The following GART variants were observed in gnomAD, a reference collection of about 807,000 sequenced individuals.
GART encodes trifunctional purine biosynthetic protein adenosine-3.
Under a neutral mutation model 107.2 loss-of-function variants are expected in GART, and 43 were observed. That is an observed-to-expected ratio of 0.40 (90% CI 0.31 to 0.52). The LOEUF is 0.52. Ranked by LOEUF, GART falls within the 20% of genes least tolerant of loss-of-function variation. GART has a pLI of 0.52. For missense variants in GART, 1,107 were observed against 1,206.5 expected, an observed-to-expected ratio of 0.92 and a Z score of 1.22; for synonymous variants, 434 against 427.0, an observed-to-expected ratio of 1.02 and a Z score of -0.20.
intron 11 of GART, among the ~76,000 whole-genome samples, chr21:33,523,256 A>G (rs1182109566): frequency 2.0e-5 from 3 of 152,222 alleles, no homozygotes; most frequent in Non-Finnish European, 4.4e-5. Context: ...AAAACAAAAA[A>G]GCTGCCAGAA....
chr21:33,514,830 G>A (rs1294578964), intron 16 of GART, among the ~76,000 whole-genome samples: 1 of 152,222 alleles, frequency 6.6e-6, no homozygotes, highest in Middle Eastern at 3.4e-3. Context: ...TTGCTTCCCT[G>A]ACTAGGCTGA....
At chr21:33,510,486 C>T (rs1252812076) in intron 17 of GART, among the ~76,000 whole-genome samples, 3 of 152,244 alleles carry the variant, frequency 2.0e-5, no homozygotes, top group East Asian at 3.9e-4. Context: ...CCCGCCACCA[C>T]GCCCGGCTAA....
Position 33,510,304 on chromosome 21 carries a change from T to C in GART, c.2315-384A>G, listed in dbSNP as rs115961001. 7.2e-3 allele frequency: 1,152 copies of C among 160,004 alleles called. 15 individuals are homozygous for C. Among genetic ancestry groups the C allele is most frequent in the African/African-American group, 0.026 (1,087 of 41,788 alleles). The allele number at this position is 160,004 out of a possible 1,614,324, so 9.9% of individuals were successfully genotyped here. A position where few individuals can be genotyped will look rare whatever the true frequency, so the allele number is the denominator to read the frequency against. On this transcript the variant is annotated intron_variant, in intron 17 of 21. Transcript: ENST00000381815. ...CTAGCAAAGCCATTTAAAGGCTTGA[T>C]ATGCGATGTTAAGAAAAAGAGGGTC...
In GART at chr21:33,536,034, A is replaced by G. The variant is rs561701628; in HGVS notation, c.146-714T>C. ...ATAACAAGAACGAAACTCTGTCTCA[A>G]AAAAAAAAAAATTTATCAACACAAG... On this transcript the variant is annotated intron_variant, in intron 2 of 21. Transcript: ENST00000381815. Among the ~76,000 whole-genome samples the G allele has an allele frequency of 7.3e-5, 11 of 149,848 alleles. No individual in the cohort carries two copies. The East Asian group carries it at 2.1e-3, about 29-fold the overall frequency.
In GART at chr21:33,539,135, TAA is replaced by T. The variant is rs773704323; in HGVS notation, c.145+34_145+35del. The T allele has an allele frequency of 6.9e-6, 11 of 1,584,170 alleles. No homozygotes were observed. The Admixed American group carries it at 1.8e-4, about 26-fold the overall frequency. ...TTGACAGCATACCATTAATAACAAA[TAA>T]TAACTATTACTCCCCACTTTAAAAC... On this transcript the variant is annotated intron_variant, in intron 2 of 21. Coordinates refer to ENST00000381815, the MANE Select transcript of GART (RefSeq NM_000819.5).
chr21:33,518,373 G>T (rs372111407), intron 14 of GART, among the ~76,000 whole-genome samples: 13 of 152,128 alleles, frequency 8.5e-5, no homozygotes, highest in African/African-American at 2.9e-4. Context: ...AGCTACTTGG[G>T]AGGATGAGGC....
At chr21:33,528,087 G>A in intron 10 of GART, 80 bp downstream of exon 10, 1 of 1,334,676 alleles carries the variant, frequency 7.5e-7, no homozygotes, top group Non-Finnish European at 1.1e-6. Context: ...TCGAGAGCAA[G>A]CCTTAGTGTG....
At chr21:33,542,152 C>T (rs574545617), upstream of GART, 2 of 152,348 alleles carry the variant, frequency 1.3e-5, no homozygotes, top group African/African-American at 4.8e-5. Flanking sequence ...CGGCACCGCC[C>T]CTCACTGCCC....
chr21:33,505,528 T>A, intron 20 of GART, 33 bp downstream of exon 20: 2 of 1,563,454 alleles, frequency 1.3e-6, no homozygotes, highest in Non-Finnish European at 1.7e-6. Flanking sequence ...TTCAATTGAT[T>A]TCCCAATGTG....
intron 2 of GART, among the ~76,000 whole-genome samples, chr21:33,537,305 T>C (rs1289956375): frequency 6.6e-6 from 1 of 152,232 alleles, no homozygotes; most frequent in Non-Finnish European, 1.5e-5. Context: ...TAATTTGTAT[T>C]ATTCCTTTTG....
intron 1 of GART, among the ~76,000 whole-genome samples, chr21:33,541,177 C>G (rs2085410632): frequency 6.6e-6 from 1 of 152,190 alleles, no homozygotes; most frequent in Non-Finnish European, 1.5e-5. Flanking sequence ...GACAGTCTCT[C>G]TCTGTCGCCC....
rs764380446 is a variant in GART, at chr21:33,508,515, CT to C, written c.2452+1267del. Among the ~76,000 whole-genome samples, 871 of 109,814 alleles carry C rather than the reference CT, an allele frequency of 7.9e-3. 7 individuals are homozygous for C. Among genetic ancestry groups the C allele is most frequent in the South Asian group, 0.07 (225 of 3,196 alleles). The allele number at this position is 109,814 out of a possible 152,430, so 72.0% of individuals were successfully genotyped here. A position where few individuals can be genotyped will look rare whatever the true frequency, so the allele number is the denominator to read the frequency against. ...CCTGTTTTGTATCTATTGTTTCCAT[CT>C]TTTTTTTTTTTTTTTTTTTTGAGAT... On this transcript the variant is annotated intron_variant, in intron 18 of 21. Transcript: ENST00000381815.
At chr21:33,519,020 AAGG>A (rs2084923989) in intron 14 of GART, 2 of 266,754 alleles carry the variant, frequency 7.5e-6, no homozygotes, top group South Asian at 3.9e-5. Flanking sequence ...TTAACTTCTT[AAGG>A]AGAACTGAAG....
chr21:33,505,729 C>G (rs1201964459), intron 19 of GART, 27 bp from the exon 20 acceptor site: 4 of 1,556,660 alleles, frequency 2.6e-6, no homozygotes, highest in Admixed American at 2.1e-5. Flanking sequence ...TAAGCACAAC[C>G]CTTTTCAATG....
Position 33,506,066 on chromosome 21 carries a change from G to C in GART, c.2491C>G (p.Pro831Ala), listed in dbSNP as rs560269221. 6.2e-7 allele frequency: 1 copy of C among 1,614,050 alleles called. No homozygotes were observed. The highest frequency in any genetic ancestry group is 1.7e-5 in the Admixed American group (1 of 60,010). ...LQALIDSTRE[P>A]NSSAQIDIVI... Reference sequence around the variant, plus strand: ...ATATCAATTTGTGCAGAGCTATTTGGTTCCCGAGTACTGTCTATAAGTGCT... The same window carrying C: ...ATATCAATTTGTGCAGAGCTATTTGCTTCCCGAGTACTGTCTATAAGTGCT... Residue 831 changes from proline (P) to alanine (A), a missense_variant, in exon 19 of 22, where the codon CCA becomes GCA. Coordinates refer to ENST00000381815, the MANE Select transcript of GART (RefSeq NM_000819.5).
rs764892501 is a variant in GART at position 33,534,574 on chromosome 21, C to T, written c.416+5G>A. Reference sequence around the variant, plus strand: ...ACTGTCCTTCACAGACAACCATTTACCTACCTCAAAATGAAGCTGCAGGCT... The same window carrying T: ...ACTGTCCTTCACAGACAACCATTTATCTACCTCAAAATGAAGCTGCAGGCT... On this transcript the variant is annotated splice_donor_5th_base_variant and intron_variant, in intron 4 of 21. Coordinates refer to ENST00000381815, the MANE Select transcript of GART (RefSeq NM_000819.5). The T allele has an allele frequency of 8.1e-6, 13 of 1,614,014 alleles. No individual in the cohort carries two copies. The highest frequency in any genetic ancestry group is 1.0e-5 in the Non-Finnish European group (12 of 1,179,974).
intron 16 of GART, among the ~76,000 whole-genome samples, chr21:33,515,792 T>C (rs2084866783): frequency 6.6e-6 from 1 of 151,898 alleles, no homozygotes; most frequent in Non-Finnish European, 1.5e-5. Context: ...AACAGAAATC[T>C]CTACCCACTG....
At chr21:33,534,437 T>TA (rs1244585352) in intron 4 of GART, 142 bp downstream of exon 4, 1 of 777,170 alleles carries the variant, frequency 1.3e-6, no homozygotes, top group Non-Finnish European at 2.1e-6. Flanking sequence ...GGCTGGTCTC[T>TA]AACTCCTGAG....
chr21:33,504,526 T>C lies in GART; in HGVS notation c.2727A>G (p.Gly909=), dbSNP rs202221492. The change falls in exon 21 of 22, where the codon GGA becomes GGG. Residue 909 remains glycine (G), a splice_region_variant and synonymous_variant. Coordinates refer to ENST00000381815, the MANE Select transcript of GART (RefSeq NM_000819.5). ...LSGPFVQKWN[G]KMLNIHPSLL... ...AGGATGGGTGGATATTGAGCATTTT[T>C]CCTAAAAATTAAAAAAAGCATAGTG... 5.0e-6 allele frequency: 8 copies of C among 1,602,600 alleles called. No homozygotes were observed. Among genetic ancestry groups the C allele is most frequent in the Middle Eastern group, 1.7e-4 (1 of 6,058 alleles).
Sources: allele counts gnomAD v4.1 joint callset (sites outside exome capture counted in the v4.1 genomes callset), GRCh38; gene constraint gnomAD v4.1.1; transcripts MANE v1.5; gene names NCBI Gene and HGNC (gene_info 2026-07-23, HGNC 2026-07-21).